Variants in DNAJC16 observed in about 807,000 individuals in gnomAD.
The protein encoded by DNAJC16 is DnaJ heat shock protein family (Hsp40) member C16.
A neutral mutation model predicts 92.7 loss-of-function variants in DNAJC16; 76 were observed. That is an observed-to-expected ratio of 0.82 (90% CI 0.68 to 0.99). DNAJC16 has a LOEUF of 0.99. Among genes scored for constraint, DNAJC16 ranks in the 50% least tolerant of loss-of-function variants. The probability of loss-of-function intolerance (pLI) is 0.00; values close to 1 mark genes in which losing one functional copy is unlikely to be tolerated. For synonymous variants in DNAJC16, 328 were observed against 358.7 expected, an observed-to-expected ratio of 0.91 and a Z score of 0.97; for missense variants, 869 against 942.4, an observed-to-expected ratio of 0.92 and a Z score of 1.02.
intron 9 of DNAJC16, among the ~76,000 whole-genome samples, chr1:15,563,371 A>G (rs1638733685): frequency 6.6e-6 from 1 of 151,830 alleles, no homozygotes; most frequent in African/African-American, 2.4e-5. Flanking sequence ...TCTACTAAAA[A>G]TACAAAAATT....
At chr1:15,559,789 C>T in intron 8 of DNAJC16, 133 bp downstream of exon 8, 2 of 1,272,402 alleles carry the variant, frequency 1.6e-6, no homozygotes, top group Non-Finnish European at 2.1e-6. Context: ...CTGGGCCGGG[C>T]ATGGTGGCTC....
intron 7 of DNAJC16, among the ~76,000 whole-genome samples, chr1:15,552,699 G>A (rs1427704087): frequency 6.7e-6 from 1 of 149,226 alleles, no homozygotes; most frequent in Non-Finnish European, 1.5e-5. Context: ...CTTCTCATTT[G>A]TATATGAACC....
Position 15,569,793 on chromosome 1 carries a change from A to G in DNAJC16, c.*1616A>G, listed in dbSNP as rs1386018131. On this transcript the variant is annotated 3_prime_UTR_variant, in exon 15 of 15. Transcript: ENST00000375847. ...GTAGCTAGGATTACAGGCATGTGCC[A>G]CCATGTAATTAGCCCGGCTAATTTT... 6.6e-6 allele frequency: 1 copy of G among 152,022 alleles called. No individual in the cohort carries two copies. Among genetic ancestry groups the G allele is most frequent in the Admixed American group, 6.6e-5 (1 of 15,244 alleles). The allele number at this position is 152,022 out of a possible 1,614,324, so 9.4% of individuals were successfully genotyped here.
Position 15,568,132 on chromosome 1 carries a change from C to T in DNAJC16, c.2304C>T (p.Gly768=), listed in dbSNP as rs749675026. ...LSLWMERLLE[G]SLQRFYIPSW... ...TATGGATGGAACGCCTGCTGGAGGGCTCCTTACAGAGGTTTTATATCCCAT... is the reference window on the plus strand; with the variant it reads ...TATGGATGGAACGCCTGCTGGAGGGTTCCTTACAGAGGTTTTATATCCCAT... Residue 768 remains glycine, a synonymous_variant, in exon 15 of 15, where the codon GGC becomes GGT. Transcript: ENST00000375847. 9 of 1,613,830 alleles carry T rather than the reference C, an allele frequency of 5.6e-6. No individual in the cohort carries two copies. The Admixed American group carries it at 1.3e-4, about 24-fold the overall frequency.
Position 15,564,022 on chromosome 1 carries a change from C to T in DNAJC16, c.1432C>T (p.Leu478Phe). Residue 478 changes from leucine (L) to phenylalanine (F), a missense_variant, in exon 10 of 15, where the codon CTC becomes TTC. Transcript: ENST00000375847. Reference sequence around the variant, plus strand: ...TGGGAGTGAGAGTGACAAATTTATCCTCTTGGGCTATCTCGACCAGCTGCG... The same window carrying T: ...TGGGAGTGAGAGTGACAAATTTATCTTCTTGGGCTATCTCGACCAGCTGCG... The part of the protein sequence containing the change: ...WIGSESDKFI[L>F]LGYLDQLRKD... 1 of 1,613,766 alleles carries T rather than the reference C, an allele frequency of 6.2e-7. No homozygotes were observed. Among genetic ancestry groups the T allele is most frequent in the Non-Finnish European group, 8.5e-7 (1 of 1,179,660 alleles).
Position 15,552,028 on chromosome 1 carries a change from CA to C in DNAJC16, c.1023+3613del, listed in dbSNP as rs557657296. Among the ~76,000 whole-genome samples the C allele has an allele frequency of 1.4e-3, 202 of 142,266 alleles. 1 individual carries two copies. The highest frequency in any genetic ancestry group is 4.5e-3 in the African/African-American group (176 of 38,832). The allele number at this position is 142,266 out of a possible 152,430, so 93.3% of individuals were successfully genotyped here. A position where few individuals can be genotyped will look rare whatever the true frequency, so the allele number is the denominator to read the frequency against. ...CCTGGGTGAGAATGAGACTCTGTCT[CA>C]AAAAAAAAAAAATTTTTTTTGTTTG... is the stretch of plus-strand genomic sequence containing the variant. On this transcript the variant is annotated intron_variant, in intron 7 of 14. Transcript: ENST00000375847.
chr1:15,541,513 T>C (rs896415710), intron 4 of DNAJC16, among the ~76,000 whole-genome samples: 2 of 152,196 alleles, frequency 1.3e-5, no homozygotes, highest in African/African-American at 4.8e-5. Flanking sequence ...ATACAATTCC[T>C]AAGGCTCCTC....
chr1:15,547,138 C>T (rs1401745544), intron 6 of DNAJC16, among the ~76,000 whole-genome samples: 13 of 151,378 alleles, frequency 8.6e-5, no homozygotes, highest in Admixed American at 5.9e-4. Flanking sequence ...GAGATACTAT[C>T]CCTGTTTCTT....
chr1:15,537,450 G>A (rs553327939), intron 4 of DNAJC16, among the ~76,000 whole-genome samples: 1 of 152,246 alleles, frequency 6.6e-6, no homozygotes, highest in South Asian at 2.1e-4. Flanking sequence ...TATACACAGA[G>A]AATTAACACT....
chr1:15,544,151 T>TACACACACACACACAC lies in DNAJC16; in HGVS notation c.575-228_575-213dup, dbSNP rs148744006. ...CCCCATTTTGTTTTATGTATATGCA[T>TACACACACACACACAC]ACACACACACACACACACACACACA... On this transcript the variant is annotated intron_variant, in intron 4 of 14. Transcript: ENST00000375847. 7.8e-3 allele frequency among the ~76,000 whole-genome samples: 1,066 copies of TACACACACACACACAC among 137,278 alleles called. 29 individuals carry two copies. The highest frequency in any genetic ancestry group is 0.024 in the African/African-American group (863 of 35,952). 90.1% of individuals were successfully genotyped at this position (137,278 alleles called of 152,430 possible). A position where few individuals can be genotyped will look rare whatever the true frequency, so the allele number is the denominator to read the frequency against.
chr1:15,571,289 C>G lies in DNAJC16; in HGVS notation c.*3112C>G, dbSNP rs1638943199. ...CTGCCATCATTACATAAATATTTTT[C>G]TGTTATAAAAAGAAGTGTGATCTGT... On this transcript the variant is annotated 3_prime_UTR_variant, in exon 15 of 15. Transcript: ENST00000375847. 6.6e-6 allele frequency: 1 copy of G among 152,190 alleles called. No individual in the cohort carries two copies. The highest frequency in any genetic ancestry group is 1.5e-5 in the Non-Finnish European group (1 of 68,026). The allele number at this position is 152,190 out of a possible 1,614,324, so 9.4% of individuals were successfully genotyped here.
chr1:15,533,252 C>G (rs1443332394), intron 2 of DNAJC16, among the ~76,000 whole-genome samples: 2 of 152,144 alleles, frequency 1.3e-5, no homozygotes, highest in African/African-American at 4.8e-5. Context: ...AATCCCAGCA[C>G]TTTGGGAGGC....
intron 14 of DNAJC16, 45 bp downstream of exon 14, chr1:15,567,314 G>A: frequency 6.4e-7 from 1 of 1,572,010 alleles, no homozygotes; most frequent in Non-Finnish European, 8.7e-7. Context: ...GTGAGAGAGA[G>A]AGAGGCAGGC....
At chr1:15,539,931 G>A (rs1020963471) in intron 4 of DNAJC16, among the ~76,000 whole-genome samples, 1 of 152,144 alleles carries the variant, frequency 6.6e-6, no homozygotes, top group Admixed American at 6.5e-5. Flanking sequence ...AGGAGGCTGA[G>A]GCAGGAGAAT....
intron 8 of DNAJC16, chr1:15,560,076 A>AC (rs970203334): frequency 6.5e-6 from 1 of 154,018 alleles, no homozygotes; most frequent in African/African-American, 2.4e-5. Context: ...AAAAAAAAAA[A>AC]AAAAAAACAC....
At chr1:15,565,392 G>A (rs1414959865) in intron 11 of DNAJC16, 1 of 163,710 alleles carries the variant, frequency 6.1e-6, no homozygotes, top group Admixed American at 6.0e-5. Context: ...CATCTCATTC[G>A]TGTTTGTGAT....
In DNAJC16 at chr1:15,568,236, G is replaced by A. The variant is rs1043670396; in HGVS notation, c.*59G>A. ...CTTTTTAACATGCCCCTGTGAACAGGTATTTTCAGGACTCAAACTACCACA... is the reference window on the plus strand; with the variant it reads ...CTTTTTAACATGCCCCTGTGAACAGATATTTTCAGGACTCAAACTACCACA... On this transcript the variant is annotated 3_prime_UTR_variant, in exon 15 of 15. Coordinates refer to ENST00000375847, the MANE Select transcript of DNAJC16 (RefSeq NM_015291.4). The A allele has an allele frequency of 1.4e-5, 20 of 1,403,838 alleles. No individual in the cohort carries two copies. Among genetic ancestry groups the A allele is most frequent in the Admixed American group, 1.3e-4 (6 of 46,558 alleles). The allele number at this position is 1,403,838 out of a possible 1,614,324, so 87.0% of individuals were successfully genotyped here.
intron 7 of DNAJC16, among the ~76,000 whole-genome samples, chr1:15,556,515 C>T (rs1000456498): frequency 1.3e-5 from 2 of 152,228 alleles, no homozygotes; most frequent in Non-Finnish European, 2.9e-5. Flanking sequence ...TGAGCCACCG[C>T]GCCCAGCCTT....
intron 4 of DNAJC16, among the ~76,000 whole-genome samples, chr1:15,540,855 T>C (rs1395643132): frequency 6.6e-6 from 1 of 152,198 alleles, no homozygotes; most frequent in Non-Finnish European, 1.5e-5. Context: ...TGGCATTCAA[T>C]CTATATAGCA....
Sources: allele counts gnomAD v4.1 joint callset (sites outside exome capture counted in the v4.1 genomes callset), GRCh38; gene constraint gnomAD v4.1.1; transcripts MANE v1.5; gene names NCBI Gene and HGNC (gene_info 2026-07-23, HGNC 2026-07-21).